The following ZNF493 variants were observed in gnomAD, a reference collection of about 807,000 sequenced individuals.
The protein encoded by ZNF493 is zinc finger protein 493.
ZNF493 carries 11 observed loss-of-function variants against 12.2 expected under a neutral mutation model. That is an observed-to-expected ratio of 0.90 (90% CI 0.57 to 1.50). The LOEUF (loss-of-function observed/expected upper bound fraction) is 1.50. ZNF493 is among the 40% of genes most tolerant of loss of function. The pLI, the probability that ZNF493 is intolerant of heterozygous loss-of-function variation, is 0.00. For synonymous variants in ZNF493, 286 were observed against 302.6 expected, an observed-to-expected ratio of 0.95 and a Z score of 0.57; for missense variants, 950 against 906.6, an observed-to-expected ratio of 1.05 and a Z score of -0.61.
intron 3 of ZNF493, among the ~76,000 whole-genome samples, chr19:21,414,996 A>C (rs549525930): frequency 1.2e-4 from 19 of 152,196 alleles, no homozygotes; most frequent in Non-Finnish European, 2.8e-4. Context: ...CCTTCGTGAG[A>C]GAGACAATAA....
chr19:21,412,942 A>C (rs1320551557), intron 3 of ZNF493: 1 of 431,366 alleles, frequency 2.3e-6, no homozygotes, highest in Non-Finnish European at 4.6e-6. Context: ...AGGTGCCACT[A>C]TACTGCCATG....
rs188575863 is a variant in ZNF493 at position 21,416,140 on chromosome 19, G to A, written c.254-6773G>A. Among the ~76,000 whole-genome samples the A allele has an allele frequency of 3.5e-3, 531 of 152,280 alleles. 3 individuals carry two copies. The highest frequency in any genetic ancestry group is 6.2e-3 in the Non-Finnish European group (421 of 68,026). On this transcript the variant is annotated intron_variant, in intron 3 of 3. Coordinates refer to ENST00000392288, the MANE Select transcript of ZNF493 (RefSeq NM_001076678.3). ...GGCTTATCTGTTAACCATTTTAAAG[G>A]TATAGGTTCTGGAGGCTTAACAATG...
At chr19:21,406,751 A>G (rs1221619430) in intron 3 of ZNF493, among the ~76,000 whole-genome samples, 1 of 151,386 alleles carries the variant, frequency 6.6e-6, no homozygotes, top group African/African-American at 2.4e-5. Context: ...TTTTTCTCAT[A>G]ATTAATTTGG....
At chr19:21,402,536 A>G (rs1039830402) in intron 1 of ZNF493, among the ~76,000 whole-genome samples, 1 of 152,204 alleles carries the variant, frequency 6.6e-6, no homozygotes, top group African/African-American at 2.4e-5. Context: ...CCAAGAATGC[A>G]GAGTCAGGCT....
chr19:21,403,381 C>A (rs1197687926), intron 1 of ZNF493, among the ~76,000 whole-genome samples: 3 of 152,172 alleles, frequency 2.0e-5, no homozygotes, highest in Non-Finnish European at 4.4e-5. Flanking sequence ...GCAGAAATTG[C>A]TGGTGTTTGT....
intron 3 of ZNF493, chr19:21,413,524 CGACGTGTGTTGCTTGT>C (rs2030390661): frequency 2.5e-6 from 1 of 402,312 alleles, no homozygotes; most frequent in South Asian, 1.2e-4. Context: ...TGGCTGTGTT[CGACGTGTGTTGCTTGT>C]GACGCTTGGG....
chr19:21,399,322 G>C (rs879871981), intron 1 of ZNF493, among the ~76,000 whole-genome samples: 1 of 151,730 alleles, frequency 6.6e-6, no homozygotes, highest in African/African-American at 2.4e-5. Flanking sequence ...CACCATGCCC[G>C]GCTAATTTTT....
In ZNF493 at chr19:21,425,227, C is replaced by G. The variant is rs747695035; in HGVS notation, c.*243C>G. 1 of 553,420 alleles carries G rather than the reference C, an allele frequency of 1.8e-6. No homozygotes were observed. Among genetic ancestry groups the G allele is most frequent in the Non-Finnish European group, 3.3e-6 (1 of 301,426 alleles). The allele number at this position is 553,420 out of a possible 1,614,324, so 34.3% of individuals were successfully genotyped here. On this transcript the variant is annotated 3_prime_UTR_variant, in exon 4 of 4. Coordinates refer to ENST00000392288, the MANE Select transcript of ZNF493 (RefSeq NM_001076678.3). ...GGCAAAGGCTTTAATTAGTTCTCAT[C>G]CCTTACTAAACATAAGAGAATTCAT...
intron 3 of ZNF493, among the ~76,000 whole-genome samples, chr19:21,406,832 C>T (rs2030147081): frequency 6.6e-6 from 1 of 151,530 alleles, no homozygotes; most frequent in African/African-American, 2.4e-5. Flanking sequence ...GAAAAAAATG[C>T]CACTGGAATT....
chr19:21,420,679 A>G (rs1408289807), intron 3 of ZNF493, among the ~76,000 whole-genome samples: 7 of 113,684 alleles, frequency 6.2e-5, no homozygotes, highest in Admixed American at 3.4e-4. Context: ...ATATCACACA[A>G]TATCCTTCTG....
At position 21,426,076 on chromosome 19, in the gene ZNF493, G is replaced by T; in HGVS notation, c.*1092G>T. 2.9e-6 allele frequency: 1 copy of T among 341,330 alleles called. No homozygotes were observed. The highest frequency in any genetic ancestry group is 6.0e-6 in the Non-Finnish European group (1 of 166,866). 21.1% of individuals were successfully genotyped at this position (341,330 alleles called of 1,614,324 possible). A position where few individuals can be genotyped will look rare whatever the true frequency, so the allele number is the denominator to read the frequency against. On this transcript the variant is annotated 3_prime_UTR_variant, in exon 4 of 4. Transcript: ENST00000392288. ...AGTCCTCAGTTCTTAACACACATAC[G>T]ATAATTCTTACTGCAGAGAAACTCT...
At chr19:21,408,728 A>G (rs112273408) in intron 3 of ZNF493, 5 of 984,956 alleles carry the variant, frequency 5.1e-6, no homozygotes, top group Admixed American at 6.2e-5. Context: ...ATTTTAGTCA[A>G]TTTGCAATTC....
Position 21,424,200 on chromosome 19 carries a change from A to T in ZNF493, c.1541A>T (p.Glu514Val). 2 of 1,612,744 alleles carry T rather than the reference A, an allele frequency of 1.2e-6. No homozygotes were observed. Among genetic ancestry groups the T allele is most frequent in the African/African-American group, 1.3e-5 (1 of 75,024 alleles). Residue 514 changes from glutamate to valine, a missense_variant, in exon 4 of 4, where the codon GAA becomes GTA. Glu to Val is a moderately radical substitution (Grantham distance 121). Transcript: ENST00000392288. ...LSIHKIIHTG[E>V]KPYKCEECGK... ...ATACATAAAATAATTCATACTGGAGAAAAACCCTACAAATGTGAAGAATGT... is the reference window on the plus strand; with the variant it reads ...ATACATAAAATAATTCATACTGGAGTAAAACCCTACAAATGTGAAGAATGT...
Position 21,422,944 on chromosome 19 carries a change from C to T in ZNF493, c.285C>T (p.Cys95=), listed in dbSNP as rs2030725021. 6.4e-7 allele frequency: 1 copy of T among 1,572,330 alleles called. No homozygotes were observed. Among genetic ancestry groups the T allele is most frequent in the Non-Finnish European group, 8.6e-7 (1 of 1,162,438 alleles). ...VICSHFAEDF[C]PGPGIKDSFQ... Reference sequence around the variant, plus strand: ...GTTCTCATTTTGCTGAAGACTTTTGCCCAGGGCCAGGCATTAAAGATTCTT... The same window carrying T: ...GTTCTCATTTTGCTGAAGACTTTTGTCCAGGGCCAGGCATTAAAGATTCTT... The change falls in exon 4 of 4, where the codon TGC becomes TGT. Residue 95 remains cysteine, a synonymous_variant. Transcript: ENST00000392288.
In ZNF493 at chr19:21,422,969, T is replaced by A. The variant is rs758933958; in HGVS notation, c.310T>A (p.Phe104Ile). 5.6e-6 allele frequency: 9 copies of A among 1,598,678 alleles called. No individual in the cohort carries two copies. The highest frequency in any genetic ancestry group is 1.7e-4 in the Middle Eastern group (1 of 5,994). The change falls in exon 4 of 4, where the codon TTT becomes ATT. Residue 104 changes from phenylalanine (F) to isoleucine (I), a missense_variant. Coordinates refer to ENST00000392288, the MANE Select transcript of ZNF493 (RefSeq NM_001076678.3). ...CCCAGGGCCAGGCATTAAAGATTCT[T>A]TTCAAAAAGTGATACTGAGAGAATA... Reference protein sequence around the residue: ...FCPGPGIKDSFQKVILREYVK... With the variant: ...FCPGPGIKDSIQKVILREYVK...
At chr19:21,422,573 G>C (rs2030712810) in intron 3 of ZNF493, among the ~76,000 whole-genome samples, 1 of 151,488 alleles carries the variant, frequency 6.6e-6, no homozygotes, top group Non-Finnish European at 1.5e-5. Context: ...TGAGGTTACA[G>C]CTTGAGCCAC....
intron 3 of ZNF493, among the ~76,000 whole-genome samples, chr19:21,407,041 T>C (rs1437375130): frequency 6.6e-6 from 1 of 151,962 alleles, no homozygotes; most frequent in Non-Finnish European, 1.5e-5. Context: ...ATTATTTTAA[T>C]TATATTTTTA....
chr19:21,410,653 G>A (rs963676667), intron 3 of ZNF493, among the ~76,000 whole-genome samples: 14 of 151,816 alleles, frequency 9.2e-5, no homozygotes, highest in African/African-American at 3.4e-4. Flanking sequence ...TTCAAGTATA[G>A]TGTAGTTACA....
In ZNF493 at chr19:21,410,060, G is replaced by GTGTATA. The variant is rs1491483385; in HGVS notation, c.253+4205_253+4206insGTATAT. Among the ~76,000 whole-genome samples the GTGTATA allele has an allele frequency of 8.7e-3, 382 of 43,910 alleles. 7 individuals are homozygous for GTGTATA. Among genetic ancestry groups the GTGTATA allele is most frequent in the African/African-American group, 0.025 (372 of 15,090 alleles). 28.8% of individuals were successfully genotyped at this position (43,910 alleles called of 152,430 possible). A position where few individuals can be genotyped will look rare whatever the true frequency, so the allele number is the denominator to read the frequency against. The stretch of plus-strand genomic sequence containing the variant: ...AAGACTGAATAATATTTCATTGTGT[G>GTGTATA]TATATATATATATATATATATATAT... On this transcript the variant is annotated intron_variant, in intron 3 of 3. Coordinates refer to ENST00000392288, the MANE Select transcript of ZNF493 (RefSeq NM_001076678.3).
Sources: gnomAD v4.1 joint callset for allele counts (sites outside exome capture counted in the v4.1 genomes callset) on GRCh38, gnomAD v4.1.1 for gene constraint, MANE v1.5 for transcripts, NCBI Gene and HGNC (gene_info 2026-07-23, HGNC 2026-07-21) for gene names.